The following SLIT1 variants were observed in gnomAD, a reference collection of about 807,000 sequenced individuals.
SLIT1 encodes slit homolog 1 protein.
In SLIT1, 66 loss-of-function variants were observed where a neutral mutation model predicts 186.1. The observed-to-expected ratio is 0.35, with a 90% confidence interval of 0.29 to 0.44. SLIT1 has a LOEUF of 0.44. Among genes scored for constraint, SLIT1 ranks in the 20% least tolerant of loss-of-function variants. SLIT1 has a pLI of 1.00. For synonymous variants in SLIT1, 761 were observed against 833.8 expected (o/e 0.91, Z 1.50); for missense variants, 1,638 against 2,037.4 (o/e 0.80, Z 3.77).
intron 4 of SLIT1, among the ~76,000 whole-genome samples, chr10:97,081,455 A>C (rs1350557674): frequency 6.6e-6 from 1 of 152,128 alleles, no homozygotes; most frequent in Admixed American, 6.5e-5. Flanking sequence ...CTCAGGGGAA[A>C]TGGGGTCCAC....
intron 30 of SLIT1, among the ~76,000 whole-genome samples, chr10:97,012,118 ACACACACACACG>A (rs762093800): frequency 7.1e-6 from 1 of 141,076 alleles, no homozygotes; most frequent in African/African-American, 2.7e-5. Flanking sequence ...ACACACACAC[ACACACACACACG>A]CACACATTCG....
chr10:97,005,084 C>T (rs947544499), intron 32 of SLIT1, among the ~76,000 whole-genome samples: 1 of 152,166 alleles, frequency 6.6e-6, no homozygotes, highest in Non-Finnish European at 1.5e-5. Context: ...CCTGGAAACT[C>T]TGTGCCAGGA....
chr10:97,025,224 G>C (rs1327926234), intron 25 of SLIT1, among the ~76,000 whole-genome samples: 2 of 152,138 alleles, frequency 1.3e-5, no homozygotes, highest in Non-Finnish European at 2.9e-5. Flanking sequence ...GCAGTGAGCT[G>C]AGATCGGACC....
intron 4 of SLIT1, among the ~76,000 whole-genome samples, chr10:97,081,604 T>TC (rs1444169510): frequency 6.6e-6 from 1 of 152,054 alleles, no homozygotes; most frequent in African/African-American, 2.4e-5. Flanking sequence ...GAGGTCAGCT[T>TC]CCCCAGGATA....
chr10:97,133,596 G>C (rs554361059), intron 4 of SLIT1, among the ~76,000 whole-genome samples: 1 of 152,084 alleles, frequency 6.6e-6, no homozygotes, highest in East Asian at 1.9e-4. Flanking sequence ...ACAACGATGC[G>C]AACTTAACAT....
chr10:97,014,258 C>G, intron 28 of SLIT1, 100 bp from the exon 29 acceptor site: 1 of 1,404,740 alleles, frequency 7.1e-7, no homozygotes, highest in Middle Eastern at 1.8e-4. Context: ...GTTAGGGTCC[C>G]TAATCCCGGC....
intron 4 of SLIT1, among the ~76,000 whole-genome samples, chr10:97,133,447 A>G (rs528799020): frequency 6.6e-6 from 1 of 152,312 alleles, no homozygotes; most frequent in East Asian, 1.9e-4. Flanking sequence ...TCTATGAGGT[A>G]CCTGGAGCTG....
intron 24 of SLIT1, 111 bp from the exon 25 acceptor site, chr10:97,030,939 A>G (rs1239800684): frequency 3.5e-6 from 3 of 866,646 alleles, no homozygotes; most frequent in Non-Finnish European, 3.8e-6. Flanking sequence ...CCTTCCCTCT[A>G]GGCCTCTCAG....
chr10:97,002,081 C>T (rs1005620068), intron 36 of SLIT1, 77 bp downstream of exon 36: 9 of 975,454 alleles, frequency 9.2e-6, no homozygotes, highest in Admixed American at 6.1e-5. Flanking sequence ...GCTGCCGAGA[C>T]TGGGAGGAAG....
chr10:97,125,593 C>T (rs1311236323), intron 4 of SLIT1, among the ~76,000 whole-genome samples: 1 of 149,766 alleles, frequency 6.7e-6, no homozygotes, highest in Non-Finnish European at 1.5e-5. Flanking sequence ...AATCCCAGCA[C>T]TTTGGGAGGC....
At position 97,164,737 on chromosome 10, in the gene SLIT1, C is replaced by A. The variant is rs1237135971; in HGVS notation, c.269+82G>T. 4 of 1,070,984 alleles carry A rather than the reference C, an allele frequency of 3.7e-6. No individual in the cohort carries two copies. The African/African-American group carries it at 4.6e-5, about 12-fold the overall frequency. The allele number at this position is 1,070,984 out of a possible 1,614,324, so 66.3% of individuals were successfully genotyped here. A position where few individuals can be genotyped will look rare whatever the true frequency, so the allele number is the denominator to read the frequency against. ...TAGAGGGGCCCAGACAGCCCACCAC[C>A]CTACCACCCACAGCCAGGGCCCTGC... On this transcript the variant is annotated intron_variant, in intron 2 of 36. Transcript: ENST00000266058.
chr10:97,011,076 G>A lies in SLIT1; in HGVS notation c.3258C>T (p.Asp1086=). 1 of 1,613,516 alleles carries A rather than the reference G, an allele frequency of 6.2e-7. No homozygotes were observed. Residue 1086 remains aspartate (D), a synonymous_variant, in exon 31 of 37, where the codon GAC becomes GAT. Transcript: ENST00000266058. ...AGDNCSENQD[D]CRDHRCQNGA... ...CATTCTGGCAGCGGTGGTCCCTGCA[G>A]TCATCCTGGTTCTCACTGCAGTTGT...
At chr10:97,029,451 C>G (rs1848573147) in intron 25 of SLIT1, among the ~76,000 whole-genome samples, 1 of 152,118 alleles carries the variant, frequency 6.6e-6, no homozygotes, top group Non-Finnish European at 1.5e-5. Context: ...GACAGTTGCA[C>G]CTGAGGTGCC....
At chr10:97,052,654 T>A (rs1042396763) in intron 13 of SLIT1, among the ~76,000 whole-genome samples, 3 of 152,218 alleles carry the variant, frequency 2.0e-5, no homozygotes, top group Admixed American at 6.5e-5. Flanking sequence ...TTCTTTTTTT[T>A]AAATGTTAAA....
At chr10:97,183,133 A>G (rs1462433609) in intron 1 of SLIT1, among the ~76,000 whole-genome samples, 1 of 152,074 alleles carries the variant, frequency 6.6e-6, no homozygotes, top group African/African-American at 2.4e-5. Context: ...TCCTCTGAGA[A>G]ACCCCTTCAC....
At position 97,068,748 on chromosome 10, in the gene SLIT1, A is replaced by G. The variant is rs188740463; in HGVS notation, c.414-2662T>C. Among the ~76,000 whole-genome samples, 13 of 152,028 alleles carry G rather than the reference A, an allele frequency of 8.6e-5. No homozygotes were observed. The highest frequency in any genetic ancestry group is 2.7e-4 in the African/African-American group (11 of 41,476). On this transcript the variant is annotated intron_variant, in intron 4 of 36. Transcript: ENST00000266058. This position sits in a 1 kb window ranked among gnomAD's most constrained non-coding sequence, Gnocchi z 4.2. ...GCATCTTTCATCTTCGATCTTGGTT[A>G]CTTGTGCCATATCGCCAGCTCCCCA...
At chr10:97,101,717 T>C (rs1441101450) in intron 4 of SLIT1, among the ~76,000 whole-genome samples, 3 of 152,252 alleles carry the variant, frequency 2.0e-5, no homozygotes, top group Non-Finnish European at 2.9e-5. Context: ...GGACTGGCTA[T>C]GAGCAACCAA....
intron 4 of SLIT1, among the ~76,000 whole-genome samples, chr10:97,156,163 C>A (rs1252702555): frequency 1.3e-5 from 2 of 152,178 alleles, no homozygotes; most frequent in African/African-American, 4.8e-5. Flanking sequence ...GTGGCAAAGA[C>A]CAGCAAAAGA....
intron 1 of SLIT1, among the ~76,000 whole-genome samples, chr10:97,179,230 CT>C (rs1194699738): frequency 2.0e-5 from 3 of 152,178 alleles, no homozygotes; most frequent in African/African-American, 7.2e-5. Context: ...AATTATTAAT[CT>C]TTATTCTTGC....
Sources: gnomAD v4.1 joint callset for allele counts (sites outside exome capture counted in the v4.1 genomes callset) on GRCh38, gnomAD v4.1.1 for gene constraint, Gnocchi (gnomAD v3.1) non-coding constraint, MANE v1.5 for transcripts, NCBI Gene and HGNC (gene_info 2026-07-23, HGNC 2026-07-21) for gene names.